Variants in TARDBP observed in about 807,000 individuals in gnomAD.
TARDBP encodes the protein TAR DNA binding protein.
A neutral mutation model predicts 38.3 loss-of-function variants in TARDBP; 4 were observed. The observed-to-expected ratio is 0.10, with a 90% CI of 0.05 to 0.24. TARDBP has a LOEUF of 0.24. TARDBP is among the 10% of genes least tolerant of loss of function. The pLI, the probability that TARDBP is intolerant of heterozygous loss-of-function variation, is 1.00. For synonymous variants in TARDBP, 184 were observed against 183.8 expected, an observed-to-expected ratio of 1.00 and a Z score of -0.01; for missense variants, 202 against 521.9, an observed-to-expected ratio of 0.39 and a Z score of 5.97.
chr1:11,022,919 T>C lies in TARDBP; in HGVS notation c.*265T>C. Reference sequence around the variant, plus strand: ...TTGCCTGATTGGTAAACCAACACACTACAATTGATATCAAAAGGTTTCTCC... The same window carrying C: ...TTGCCTGATTGGTAAACCAACACACCACAATTGATATCAAAAGGTTTCTCC... On this transcript the variant is annotated 3_prime_UTR_variant, in exon 6 of 6. Transcript: ENST00000240185. This position sits in a 1 kb window ranked among gnomAD's most constrained non-coding sequence, Gnocchi z 4.5. 7.3e-7 allele frequency: 1 copy of C among 1,370,336 alleles called. No individual in the cohort carries two copies. 84.9% of individuals were successfully genotyped at this position (1,370,336 alleles called of 1,614,324 possible).
In TARDBP at chr1:11,025,488, C is replaced by T. The variant is rs1643717178; in HGVS notation, c.*2834C>T. 2 of 151,968 alleles carry T rather than the reference C, an allele frequency of 1.3e-5. No homozygotes were observed. Among genetic ancestry groups the T allele is most frequent in the Non-Finnish European group, 2.9e-5 (2 of 67,988 alleles). 9.4% of individuals were successfully genotyped at this position (151,968 alleles called of 1,614,324 possible). On this transcript the variant is annotated 3_prime_UTR_variant, in exon 6 of 6. Transcript: ENST00000240185. ...AGATAAATAAAATTTTTTTTTGACA[C>T]CACAGTTTAGTGTCTGGAGTCTTAC... is the stretch of plus-strand genomic sequence containing the variant.
chr1:11,019,538 G>C (rs1400414193), intron 4 of TARDBP, among the ~76,000 whole-genome samples: 1 of 152,074 alleles, frequency 6.6e-6, no homozygotes, highest in Non-Finnish European at 1.5e-5. Flanking sequence ...GGTAGGCTAT[G>C]CTATCTGGGT....
At chr1:11,030,089 C>T (rs1210543436), downstream of TARDBP, 1 of 919,712 alleles carries the variant, frequency 1.1e-6, no homozygotes, top group Non-Finnish European at 1.7e-6. Context: ...ACATTTCTGC[C>T]TACCACAGCT....
downstream of TARDBP, among the ~76,000 whole-genome samples, chr1:11,028,569 T>C (rs1643778950): frequency 6.6e-6 from 1 of 152,196 alleles, no homozygotes; most frequent in African/African-American, 2.4e-5. Flanking sequence ...ATGTAGCATA[T>C]ATGTTTGCTG....
downstream of TARDBP, chr1:11,027,585 C>T (rs1355355056): frequency 2.5e-6 from 4 of 1,614,078 alleles, no homozygotes; most frequent in Non-Finnish European, 3.4e-6. Flanking sequence ...AGGAAAATCA[C>T]CAGGTTTTGC....
rs1643691033 is a variant in TARDBP at position 11,024,306 on chromosome 1, G to C, written c.*1652G>C. 1 of 151,754 alleles carries C rather than the reference G, an allele frequency of 6.6e-6. No individual in the cohort carries two copies. Among genetic ancestry groups the C allele is most frequent in the South Asian group, 2.1e-4 (1 of 4,820 alleles). The allele number at this position is 151,754 out of a possible 1,614,324, so 9.4% of individuals were successfully genotyped here. On this transcript the variant is annotated 3_prime_UTR_variant, in exon 6 of 6. Transcript: ENST00000240185. The stretch of plus-strand genomic sequence containing the variant: ...TTTTTTTCTTTTGAAATCTAGTTTT[G>C]AATAAGTCTGGGTGACCGCACCTAA...
intron 5 of TARDBP, among the ~76,000 whole-genome samples, chr1:11,021,744 C>T (rs1029795315): frequency 2.6e-5 from 4 of 152,194 alleles, no homozygotes; most frequent in Non-Finnish European, 5.9e-5. Flanking sequence ...AGGACAGATG[C>T]ATGCCACTAC....
intron 4 of TARDBP, 90 bp from the exon 5 acceptor site, chr1:11,020,339 C>T (rs375747420): frequency 1.3e-5 from 19 of 1,503,044 alleles, no homozygotes; most frequent in Admixed American, 8.6e-5. Flanking sequence ...CTATCCAAGG[C>T]GAATGATTTT....
chr1:11,017,120 C>A, intron 3 of TARDBP, 113 bp downstream of exon 3: 1 of 1,222,724 alleles, frequency 8.2e-7, no homozygotes. Context: ...GTTCTGGCGT[C>A]AAACTCCTGG....
At chr1:11,020,370 G>T in intron 4 of TARDBP, 59 bp from the exon 5 acceptor site, 1 of 1,603,514 alleles carries the variant, frequency 6.2e-7, no homozygotes, top group Non-Finnish European at 8.5e-7. Flanking sequence ...TTACCTTAAT[G>T]TTTTTTTCAT....
chr1:11,016,924 A>G lies in TARDBP; in HGVS notation c.319A>G (p.Ile107Val). The part of the protein sequence containing the change: ...KRAVQKTSDL[I>V]VLGLPWKTTE... Reference sequence around the variant, plus strand: ...AGCAGTCCAGAAAACATCCGATTTAATAGTGTTGGGTCTCCCATGGAAAAC... The same window carrying G: ...AGCAGTCCAGAAAACATCCGATTTAGTAGTGTTGGGTCTCCCATGGAAAAC... Residue 107 changes from isoleucine (I) to valine (V), a missense_variant, in exon 3 of 6, where the codon ATA (isoleucine) becomes GTA (valine). Coordinates refer to ENST00000240185, the MANE Select transcript of TARDBP (RefSeq NM_007375.4). 1 of 1,614,222 alleles carries G rather than the reference A, an allele frequency of 6.2e-7. No homozygotes were observed.
rs902549661 is a variant in TARDBP, at chr1:11,024,993, A to G, written c.*2339A>G. On this transcript the variant is annotated 3_prime_UTR_variant, in exon 6 of 6. Coordinates refer to ENST00000240185, the MANE Select transcript of TARDBP (RefSeq NM_007375.4). ...CATCCTTTAGACTTGTAATCGCCAC[A>G]TTGTTTCATTATTCAGTTTCCTCTG... The G allele has an allele frequency of 6.6e-6, 1 of 152,510 alleles. No individual in the cohort carries two copies. Among genetic ancestry groups the G allele is most frequent in the Non-Finnish European group, 1.5e-5 (1 of 68,004 alleles). The allele number at this position is 152,510 out of a possible 1,614,324, so 9.4% of individuals were successfully genotyped here.
intron 3 of TARDBP, among the ~76,000 whole-genome samples, chr1:11,018,134 C>A (rs890543464): frequency 6.6e-6 from 1 of 151,892 alleles, no homozygotes; most frequent in Admixed American, 6.6e-5. Flanking sequence ...TGCCCGCCTC[C>A]GCCTCCCAAA....
chr1:11,014,841 G>A (rs765559168), intron 2 of TARDBP, among the ~76,000 whole-genome samples: 3 of 152,170 alleles, frequency 2.0e-5, no homozygotes, highest in Admixed American at 6.5e-5. Flanking sequence ...GGAGGCAGAC[G>A]CAGGAGAATC....
At position 11,023,256 on chromosome 1, in the gene TARDBP, GC is replaced by G; in HGVS notation, c.*604del. 1 of 1,550,354 alleles carries G rather than the reference GC, an allele frequency of 6.5e-7. No homozygotes were observed. The highest frequency in any genetic ancestry group is 1.2e-5 in the South Asian group (1 of 84,056). ...TTGAAAGTAGTGCTGTAAATATTCT[GC>G]CATAGGAATACTGTCTACATGCTTT... On this transcript the variant is annotated 3_prime_UTR_variant, in exon 6 of 6. Coordinates refer to ENST00000240185, the MANE Select transcript of TARDBP (RefSeq NM_007375.4).
At chr1:11,019,683 C>T (rs1375988601) in intron 4 of TARDBP, among the ~76,000 whole-genome samples, 4 of 151,954 alleles carry the variant, frequency 2.6e-5, no homozygotes, top group Non-Finnish European at 5.9e-5. Context: ...TCTCCTGCCT[C>T]AGCCTGCCGA....
downstream of TARDBP, chr1:11,026,759 G>GT (rs1012878273): frequency 2.5e-5 from 19 of 755,542 alleles, no homozygotes; most frequent in African/African-American, 1.3e-4. Context: ...CCTGGAGTCT[G>GT]TTTTTTTGGG....
chr1:11,027,694 A>G (rs376956192), downstream of TARDBP: 243 of 1,529,500 alleles, frequency 1.6e-4, no homozygotes, highest in African/African-American at 8.6e-4. Context: ...AAAAATGTCA[A>G]TCGTGTTTTT....
Position 11,023,055 on chromosome 1 carries a change from AT to A in TARDBP, c.*402del. On this transcript the variant is annotated 3_prime_UTR_variant, in exon 6 of 6. Coordinates refer to ENST00000240185, the MANE Select transcript of TARDBP (RefSeq NM_007375.4). ...CTTGTTTTAATTTGAACCCCACCAT[AT>A]GGATTTTTTTCCTTAAGAAAATCTC... The A allele has an allele frequency of 6.9e-7, 1 of 1,449,284 alleles. No homozygotes were observed. Among genetic ancestry groups the A allele is most frequent in the East Asian group, 2.5e-5 (1 of 39,734 alleles). The allele number at this position is 1,449,284 out of a possible 1,614,324, so 89.8% of individuals were successfully genotyped here. A position where few individuals can be genotyped will look rare whatever the true frequency, so the allele number is the denominator to read the frequency against.
Sources: allele counts gnomAD v4.1 joint callset (sites outside exome capture counted in the v4.1 genomes callset), GRCh38; gene constraint gnomAD v4.1.1; non-coding constraint Gnocchi (gnomAD v3.1); transcripts MANE v1.5; gene names NCBI Gene and HGNC (gene_info 2026-07-23, HGNC 2026-07-21).